MGMT: variants seen among roughly 807,000 people sequenced by gnomAD.
MGMT encodes the protein O-6-methylguanine-DNA methyltransferase, also known as methylated-DNA--protein-cysteine methyltransferase.
MGMT carries 14 observed loss-of-function variants against 15.9 expected under a neutral mutation model. The observed-to-expected ratio is 0.88, with a 90% CI of 0.58 to 1.37. The LOEUF is 1.37. Among genes scored for constraint, MGMT ranks in the 40% most tolerant of loss-of-function variants. MGMT has a pLI of 0.00. For missense variants in MGMT, 282 were observed against 268.1 expected (o/e 1.05, Z -0.36); for synonymous variants, 130 against 118.2 (o/e 1.10, Z -0.65).
intron 3 of MGMT, among the ~76,000 whole-genome samples, chr10:129,727,061 A>G (rs1039526825): frequency 1.3e-5 from 2 of 152,176 alleles, no homozygotes; most frequent in African/African-American, 4.8e-5. Flanking sequence ...TCCCTGCTGA[A>G]TTCTGAAATA....
chr10:129,496,342 A>C (rs1845521203), intron 1 of MGMT, among the ~76,000 whole-genome samples: 1 of 152,126 alleles, frequency 6.6e-6, no homozygotes, highest in Admixed American at 6.5e-5. Context: ...CTCCAATAAC[A>C]ATAAGTACAT....
chr10:129,725,024 A>G lies in MGMT; in HGVS notation c.274+16981A>G, dbSNP rs150909513. Among the ~76,000 whole-genome samples, 385 of 152,356 alleles carry G rather than the reference A, an allele frequency of 2.5e-3. 1 individual carries two copies. The highest frequency in any genetic ancestry group is 9.0e-3 in the African/African-American group (375 of 41,584). On this transcript the variant is annotated intron_variant, in intron 3 of 4. Coordinates refer to ENST00000651593, the MANE Select transcript of MGMT (RefSeq NM_002412.5). ...GTCAGTGGACCTCCCGGTCCTCTCC[A>G]GAGCCCTGCAGGATCGGGTGGATAC... is the stretch of plus-strand genomic sequence containing the variant.
intron 2 of MGMT, among the ~76,000 whole-genome samples, chr10:129,541,395 C>T (rs1352208192): frequency 2.0e-5 from 3 of 152,266 alleles, no homozygotes; most frequent in African/African-American, 7.2e-5. Context: ...GCGCCATCTT[C>T]CCGCAGCTGC....
Position 129,533,641 on chromosome 10 carries a change from G to T in MGMT, c.-12-2600G>T, listed in dbSNP as rs1426818484. 1.3e-5 allele frequency among the ~76,000 whole-genome samples: 2 copies of T among 152,212 alleles called. No homozygotes were observed. The highest frequency in any genetic ancestry group is 4.8e-5 in the African/African-American group (2 of 41,454). ...CTTCTGTGAACATACTTTGGGAAAT[G>T]ATCTCATGGACGCTTGGCCTGGATG... On this transcript the variant is annotated intron_variant, in intron 1 of 4. Coordinates refer to ENST00000651593, the MANE Select transcript of MGMT (RefSeq NM_002412.5). This position sits in a 1 kb window ranked among gnomAD's most constrained non-coding sequence, Gnocchi z 4.5.
chr10:129,478,940 C>A (rs180844309), intron 1 of MGMT, among the ~76,000 whole-genome samples: 109 of 152,198 alleles, frequency 7.2e-4, no homozygotes, highest in Middle Eastern at 3.4e-3. Flanking sequence ...ATATGATTAA[C>A]CTTGAGGGTC....
At chr10:129,711,208 G>A (rs1369145397) in intron 3 of MGMT, among the ~76,000 whole-genome samples, 2 of 152,180 alleles carry the variant, frequency 1.3e-5, no homozygotes, top group East Asian at 3.8e-4. Flanking sequence ...CGAACATGCT[G>A]TTTGTGATTT....
chr10:129,529,028 GT>G (rs1464714192), intron 1 of MGMT, among the ~76,000 whole-genome samples: 4 of 152,042 alleles, frequency 2.6e-5, no homozygotes, highest in African/African-American at 4.8e-5. Context: ...GGTGGTGACT[GT>G]TTTCGGCGGC....
chr10:129,763,930 T>A (rs1848903469), intron 4 of MGMT, among the ~76,000 whole-genome samples: 1 of 152,200 alleles, frequency 6.6e-6, no homozygotes, highest in African/African-American at 2.4e-5. Context: ...CATGTTCCCA[T>A]GTCATAGTCG....
In MGMT at chr10:129,488,522, C is replaced by G. The variant is rs1845436308; in HGVS notation, c.-13+21226C>G. ...CCCAGTTTGTGGCCATGTTTTCATT[C>G]TCTTTATAGTGCCTTTTGATGGACA... On this transcript the variant is annotated intron_variant, in intron 1 of 4. Transcript: ENST00000651593. Among the ~76,000 whole-genome samples the G allele has an allele frequency of 2.6e-5, 4 of 152,106 alleles. No homozygotes were observed. In the South Asian group the frequency reaches 8.3e-4, roughly 32 times the overall value.
At chr10:129,627,660 C>T (rs1321647461) in intron 2 of MGMT, among the ~76,000 whole-genome samples, 2 of 152,198 alleles carry the variant, frequency 1.3e-5, no homozygotes, top group East Asian at 1.9e-4. Flanking sequence ...TAAAAATAAA[C>T]ACCCTCATGT....
chr10:129,746,158 G>A (rs1848692744), intron 3 of MGMT, among the ~76,000 whole-genome samples: 1 of 149,624 alleles, frequency 6.7e-6, no homozygotes, highest in African/African-American at 2.5e-5. Context: ...AGAATGGCGT[G>A]AACCCGGGAG....
chr10:129,579,237 A>G (rs1846523248), intron 2 of MGMT, among the ~76,000 whole-genome samples: 1 of 152,244 alleles, frequency 6.6e-6, no homozygotes. Flanking sequence ...ATGAGATTAC[A>G]CGGAGTGCTG....
At chr10:129,713,342 CT>C (rs1848254713) in intron 3 of MGMT, among the ~76,000 whole-genome samples, 1 of 152,140 alleles carries the variant, frequency 6.6e-6, no homozygotes, top group Admixed American at 6.5e-5. Flanking sequence ...GAAAAAACAG[CT>C]GGTAAAAATG....
chr10:129,591,877 G>A (rs563030183), intron 2 of MGMT, among the ~76,000 whole-genome samples: 2 of 152,344 alleles, frequency 1.3e-5, no homozygotes, highest in East Asian at 3.9e-4. Flanking sequence ...ATCACAGTGA[G>A]CCGAGATGGC....
intron 3 of MGMT, among the ~76,000 whole-genome samples, chr10:129,744,431 AAGCC>A (rs1848670483): frequency 6.6e-6 from 1 of 152,234 alleles, no homozygotes; most frequent in Non-Finnish European, 1.5e-5. Flanking sequence ...AGCAAGCCAC[AAGCC>A]AGATGTCAGG....
At chr10:129,729,603 C>T (rs1388654879) in intron 3 of MGMT, among the ~76,000 whole-genome samples, 2 of 152,202 alleles carry the variant, frequency 1.3e-5, no homozygotes, top group Non-Finnish European at 2.9e-5. Flanking sequence ...GAGATTAATC[C>T]CCAAAGAGCT....
rs55836796 is a variant in MGMT, at chr10:129,492,981, C to T, written c.-13+25685C>T. Among the ~76,000 whole-genome samples the T allele has an allele frequency of 3.0e-3, 464 of 152,300 alleles. 4 individuals are homozygous for T. Among genetic ancestry groups the T allele is most frequent in the Middle Eastern group, 0.014 (4 of 294 alleles). On this transcript the variant is annotated intron_variant, in intron 1 of 4. Transcript: ENST00000651593. ...CCACACATTTCATAAATGCTTATTT[C>T]GTATTCTACACAGGTTGCTTTAAAT...
At chr10:129,488,010 C>CACACACACATAGGTAT (rs1564832154) in intron 1 of MGMT, among the ~76,000 whole-genome samples, 5 of 119,708 alleles carry the variant, frequency 4.2e-5, no homozygotes, top group African/African-American at 1.6e-4. Flanking sequence ...GGTATACACA[C>CACACACACATAGGTAT]ACACACACAC....
intron 2 of MGMT, among the ~76,000 whole-genome samples, chr10:129,577,164 T>G (rs1846493504): frequency 6.6e-6 from 1 of 152,190 alleles, no homozygotes; most frequent in Non-Finnish European, 1.5e-5. Context: ...ATGACTTTCT[T>G]CACAGAATTG....
Sources: gnomAD v4.1 joint callset for allele counts (sites outside exome capture counted in the v4.1 genomes callset) on GRCh38, gnomAD v4.1.1 for gene constraint, Gnocchi (gnomAD v3.1) non-coding constraint, MANE v1.5 for transcripts, NCBI Gene and HGNC (gene_info 2026-07-23, HGNC 2026-07-21) for gene names.